GALM: variants seen among roughly 807,000 people sequenced by gnomAD.
The protein encoded by GALM is galactose mutarotase.
GALM carries 43 observed loss-of-function variants against 37.4 expected under a neutral mutation model. That is an observed-to-expected ratio of 1.15 (90% CI 0.90 to 1.48). The LOEUF is 1.48. GALM is among the 40% of genes most tolerant of loss of function. The pLI is 0.00. For synonymous variants in GALM, 199 were observed against 170.6 expected, an observed-to-expected ratio of 1.17 and a Z score of -1.30; for missense variants, 456 against 419.1, an observed-to-expected ratio of 1.09 and a Z score of -0.77.
rs1050000265 is a variant in GALM at position 38,678,238 on chromosome 2, G to A, written c.345+2172G>A. On this transcript the variant is annotated intron_variant, in intron 2 of 6. Transcript: ENST00000272252. ...TTGGTCAGGCTGGTCTCAAACTCCC[G>A]ACCTCAGGTGATTCACCCACCTCGG... 4.6e-5 allele frequency among the ~76,000 whole-genome samples: 7 copies of A among 152,140 alleles called. No individual in the cohort carries two copies. In the South Asian group the frequency reaches 6.2e-4, roughly 14 times the overall value.
At chr2:38,673,396 T>A (rs924106351) in intron 1 of GALM, among the ~76,000 whole-genome samples, 20 of 152,098 alleles carry the variant, frequency 1.3e-4, no homozygotes, top group African/African-American at 4.6e-4. Flanking sequence ...GACCTTAATC[T>A]TTTCCATCGT....
intron 1 of GALM, among the ~76,000 whole-genome samples, chr2:38,672,747 G>A (rs1665142393): frequency 6.6e-6 from 1 of 151,992 alleles, no homozygotes; most frequent in South Asian, 2.1e-4. Context: ...CACTTAGAAA[G>A]TGGCTGGGAC....
Position 38,675,955 on chromosome 2 carries a change from G to C in GALM, c.234G>C (p.Arg78Ser), listed in dbSNP as rs367689133. The change falls in exon 2 of 7, where the codon AGG becomes AGC. Residue 78 changes from arginine (R) to serine (S), a missense_variant. Coordinates refer to ENST00000272252, the MANE Select transcript of GALM (RefSeq NM_138801.3). ...CATACTTTGGAGCAGTTATTGGGAG[G>C]GTGGCCAACCGAATCGCCAAAGGAA... ...KQPYFGAVIGRVANRIAKGTF... is the reference protein window; with the variant it reads ...KQPYFGAVIGSVANRIAKGTF... 10 of 1,613,936 alleles carry C rather than the reference G, an allele frequency of 6.2e-6. No individual in the cohort carries two copies. The highest frequency in any genetic ancestry group is 8.5e-6 in the Non-Finnish European group (10 of 1,179,994).
intron 4 of GALM, among the ~76,000 whole-genome samples, chr2:38,710,211 T>C (rs1248959404): frequency 6.6e-6 from 1 of 152,194 alleles, no homozygotes; most frequent in South Asian, 2.1e-4. Context: ...TCTGGATCTA[T>C]GTGTCTAACA....
At chr2:38,690,333 T>G (rs1465341924) in intron 4 of GALM, among the ~76,000 whole-genome samples, 1 of 152,072 alleles carries the variant, frequency 6.6e-6, no homozygotes, top group African/African-American at 2.4e-5. Flanking sequence ...AAAAAAAATT[T>G]TTTTAATGCA....
chr2:38,704,914 A>G (rs17023048), intron 4 of GALM, among the ~76,000 whole-genome samples: 6,078 of 152,202 alleles, frequency 0.04, 411 homozygotes, highest in African/African-American at 0.14. Flanking sequence ...TCACAAGATC[A>G]TTTTTATGAG....
At chr2:38,716,234 A>G (rs1276357925) in intron 4 of GALM, among the ~76,000 whole-genome samples, 4 of 152,242 alleles carry the variant, frequency 2.6e-5, no homozygotes, top group African/African-American at 9.6e-5. Context: ...TGCTCAGATT[A>G]AGACCAGCTT....
intron 3 of GALM, among the ~76,000 whole-genome samples, chr2:38,686,840 A>G (rs1248342047): frequency 6.6e-6 from 1 of 152,206 alleles, no homozygotes; most frequent in Non-Finnish European, 1.5e-5. Context: ...CTAGGCCAGG[A>G]GTCTGGAGAA....
chr2:38,727,404 C>T (rs1289655181), intron 4 of GALM, among the ~76,000 whole-genome samples: 1 of 151,906 alleles, frequency 6.6e-6, no homozygotes, highest in African/African-American at 2.4e-5. Flanking sequence ...ACTAGGAAGA[C>T]TACATTTCTG....
chr2:38,730,273 G>A (rs948118290), intron 5 of GALM, among the ~76,000 whole-genome samples: 2 of 152,178 alleles, frequency 1.3e-5, no homozygotes, highest in Admixed American at 6.5e-5. Flanking sequence ...AGTTTTGTGT[G>A]TGTGCGTGTG....
At chr2:38,725,277 G>A (rs1036434668) in intron 4 of GALM, among the ~76,000 whole-genome samples, 5 of 152,294 alleles carry the variant, frequency 3.3e-5, no homozygotes, top group Non-Finnish European at 7.3e-5. Flanking sequence ...GCTCATGCTT[G>A]TAAACCCAGT....
At chr2:38,729,767 T>C in intron 5 of GALM, 70 bp downstream of exon 5, 1 of 1,322,480 alleles carries the variant, frequency 7.6e-7, no homozygotes, top group Non-Finnish European at 1.1e-6. Flanking sequence ...CTTTGGAGCT[T>C]TTCCTCTGGC....
chr2:38,683,711 C>T (rs28499207), intron 3 of GALM, among the ~76,000 whole-genome samples: 3,363 of 152,146 alleles, frequency 0.022, 113 homozygotes, highest in African/African-American at 0.077. Context: ...GGATTACAGG[C>T]GCCCACGACC....
chr2:38,725,648 CCT>C, intron 4 of GALM, among the ~76,000 whole-genome samples: 1 of 152,076 alleles, frequency 6.6e-6, no homozygotes, highest in East Asian at 1.9e-4. Context: ...ATAGCAGGAC[CCT>C]GTCTTTAAAA....
In GALM at chr2:38,709,559, A is replaced by C. The variant is rs139142725; in HGVS notation, c.634+19665A>C. Reference sequence around the variant, plus strand: ...GAAAATGCTCGGTGGAAAGGAAAAAAAAAAAAAACATAAGACAAAAAGCCA... The same window carrying C: ...GAAAATGCTCGGTGGAAAGGAAAAACAAAAAAAACATAAGACAAAAAGCCA... On this transcript the variant is annotated intron_variant, in intron 4 of 6. Coordinates refer to ENST00000272252, the MANE Select transcript of GALM (RefSeq NM_138801.3). 3.9e-3 allele frequency among the ~76,000 whole-genome samples: 586 copies of C among 152,176 alleles called. 4 individuals carry two copies. Among genetic ancestry groups the C allele is most frequent in the African/African-American group, 0.014 (561 of 41,532 alleles).
chr2:38,676,138 T>C (rs1283486288), intron 2 of GALM, 72 bp downstream of exon 2: 1 of 1,475,966 alleles, frequency 6.8e-7, no homozygotes. Context: ...CCAGGCACAG[T>C]CATAGGCCCT....
chr2:38,720,098 G>T (rs1314940356), intron 4 of GALM, among the ~76,000 whole-genome samples: 5 of 152,058 alleles, frequency 3.3e-5, no homozygotes, highest in Admixed American at 3.3e-4. Flanking sequence ...TGTAGTCCTA[G>T]CTACTCGGGA....
At chr2:38,675,526 GTTTTTTTT>G (rs869119386) in intron 1 of GALM, among the ~76,000 whole-genome samples, 44 of 74,620 alleles carry the variant, frequency 5.9e-4, no homozygotes, top group African/African-American at 2.3e-3. Context: ...GGGTTTTTTT[GTTTTTTTT>G]TTTTTTTTTT....
intron 4 of GALM, among the ~76,000 whole-genome samples, chr2:38,693,483 CAAAA>C (rs11339764): frequency 4.9e-5 from 5 of 101,258 alleles, no homozygotes; most frequent in African/African-American, 6.8e-5. Flanking sequence ...ACTCTGCTTC[CAAAA>C]AAAAAAAAAA....
Sources: allele counts gnomAD v4.1 joint callset (sites outside exome capture counted in the v4.1 genomes callset), GRCh38; gene constraint gnomAD v4.1.1; transcripts MANE v1.5; gene names NCBI Gene and HGNC (gene_info 2026-07-23, HGNC 2026-07-21).